SCAPER: variants seen among roughly 807,000 people sequenced by gnomAD.
SCAPER encodes S-phase cyclin A associated protein in the ER.
In SCAPER, 98 loss-of-function variants were observed where a neutral mutation model predicts 182.2. That is an observed-to-expected ratio of 0.54 (90% confidence interval 0.46 to 0.64). The LOEUF is 0.64. Ranked by LOEUF, SCAPER falls within the 30% of genes least tolerant of loss-of-function variation. SCAPER has a pLI of 0.00. For missense variants in SCAPER, 1,432 were observed against 1,690.0 expected (o/e 0.85, Z 2.68); for synonymous variants, 605 against 564.6 (o/e 1.07, Z -1.01).
chr15:76,823,713 A>C (rs2067757462), intron 5 of SCAPER, among the ~76,000 whole-genome samples: 1 of 152,056 alleles, frequency 6.6e-6, no homozygotes, highest in African/African-American at 2.4e-5. Flanking sequence ...GTGCCAAAAA[A>C]CTGTTAATAA....
chr15:76,748,457 TTTC>T (rs2061923745), intron 15 of SCAPER, among the ~76,000 whole-genome samples: 1 of 151,990 alleles, frequency 6.6e-6, no homozygotes, highest in Non-Finnish European at 1.5e-5. Context: ...TTGATAATTA[TTTC>T]TTAGCACCAA....
chr15:76,773,983 A>C (rs923235607), intron 9 of SCAPER, among the ~76,000 whole-genome samples: 18 of 151,944 alleles, frequency 1.2e-4, no homozygotes, highest in Admixed American at 1.2e-3. Flanking sequence ...AAGTAAAATA[A>C]ACATCAACTC....
intron 27 of SCAPER, among the ~76,000 whole-genome samples, chr15:76,397,474 CTTT>C (rs71143321): frequency 3.1e-4 from 22 of 71,538 alleles, no homozygotes; most frequent in African/African-American, 1.1e-3. Context: ...TATTGGCAGA[CTTT>C]TTTTTTTTTT....
At chr15:76,711,812 A>G (rs2059592121) in intron 17 of SCAPER, among the ~76,000 whole-genome samples, 1 of 151,926 alleles carries the variant, frequency 6.6e-6, no homozygotes, top group Admixed American at 6.6e-5. Context: ...AATTTGTTTG[A>G]GTTCATTGTA....
At chr15:76,476,487 G>T (rs1391301210) in intron 24 of SCAPER, among the ~76,000 whole-genome samples, 3 of 151,576 alleles carry the variant, frequency 2.0e-5, no homozygotes, top group African/African-American at 7.3e-5. Flanking sequence ...GGAGTGCAGT[G>T]GCATGATCAT....
At chr15:76,892,491 C>G (rs1417784066) in intron 1 of SCAPER, among the ~76,000 whole-genome samples, 1 of 152,044 alleles carries the variant, frequency 6.6e-6, no homozygotes, top group East Asian at 1.9e-4. Context: ...AAAAACAACC[C>G]CAGCAAAAAG....
chr15:76,867,387 C>G (rs891372845), intron 2 of SCAPER, among the ~76,000 whole-genome samples: 46 of 152,166 alleles, frequency 3.0e-4, no homozygotes, highest in African/African-American at 1.0e-3. Context: ...GACAAGATTA[C>G]TAGTCATGCA....
intron 15 of SCAPER, among the ~76,000 whole-genome samples, chr15:76,741,909 T>A (rs1363009911): frequency 6.6e-6 from 1 of 152,004 alleles, no homozygotes; most frequent in Non-Finnish European, 1.5e-5. Flanking sequence ...GGGCTAAAGA[T>A]TCAGATTTAG....
rs374970992 is a variant in SCAPER at position 76,800,277 on chromosome 15, T to C, written c.582A>G (p.Thr194=). 1.9e-6 allele frequency: 3 copies of C among 1,612,840 alleles called. No homozygotes were observed. Among genetic ancestry groups the C allele is most frequent in the South Asian group, 1.1e-5 (1 of 90,944 alleles). ...PSPSTDRINV[T]SNARRSLNFG... is the part of the protein sequence containing the mutation. The stretch of plus-strand genomic sequence containing the variant: ...AATTTAAGCTTCGTCGAGCATTTGA[T>C]GTTACATTTATTCTATCTGTTGATG... Residue 194 remains threonine (T), a synonymous_variant, in exon 7 of 32, where the codon ACA becomes ACG. Transcript: ENST00000563290.
At chr15:76,545,310 A>G (rs2045171458) in intron 23 of SCAPER, among the ~76,000 whole-genome samples, 1 of 152,138 alleles carries the variant, frequency 6.6e-6, no homozygotes, top group South Asian at 2.1e-4. Context: ...GCACAAGAAA[A>G]TATCTCTGGC....
At chr15:76,363,901 T>G (rs1382227302) in intron 29 of SCAPER, among the ~76,000 whole-genome samples, 12 of 152,172 alleles carry the variant, frequency 7.9e-5, no homozygotes, top group African/African-American at 2.7e-4. Flanking sequence ...CTGTCCACAT[T>G]GCTCTTACCA....
chr15:76,740,649 C>T (rs1011042514), intron 15 of SCAPER, among the ~76,000 whole-genome samples: 1 of 151,920 alleles, frequency 6.6e-6, no homozygotes, highest in Non-Finnish European at 1.5e-5. Context: ...ATGCCACAGG[C>T]CTAAAATATG....
intron 14 of SCAPER, among the ~76,000 whole-genome samples, chr15:76,755,152 A>G (rs1407555505): frequency 6.6e-6 from 1 of 152,214 alleles, no homozygotes; most frequent in Admixed American, 6.5e-5. Context: ...CTGGCATTAA[A>G]AAACACAGTA....
At chr15:76,403,872 T>C (rs1296771052) in intron 27 of SCAPER, among the ~76,000 whole-genome samples, 2 of 152,118 alleles carry the variant, frequency 1.3e-5, no homozygotes, top group Non-Finnish European at 2.9e-5. Context: ...CTTGTGTCCT[T>C]CCTAGAGAAT....
chr15:76,818,609 G>A (rs1169947747), intron 5 of SCAPER, among the ~76,000 whole-genome samples: 1 of 152,204 alleles, frequency 6.6e-6, no homozygotes, highest in Admixed American at 6.5e-5. Context: ...AAGGGGGGTG[G>A]AGCCAAGATG....
chr15:76,359,168 G>A (rs1171950569), intron 29 of SCAPER, among the ~76,000 whole-genome samples: 1 of 152,182 alleles, frequency 6.6e-6, no homozygotes, highest in Non-Finnish European at 1.5e-5. Context: ...CCCTCCCAGT[G>A]TGAGGCTTCC....
intron 23 of SCAPER, among the ~76,000 whole-genome samples, chr15:76,525,694 CT>C (rs1567350814): frequency 6.6e-6 from 1 of 152,120 alleles, no homozygotes; most frequent in Non-Finnish European, 1.5e-5. Context: ...TGATTTCATT[CT>C]TTTTTATGGC....
At chr15:76,449,228 T>C (rs284907) in intron 25 of SCAPER, among the ~76,000 whole-genome samples, 18,405 of 152,258 alleles carry the variant, frequency 0.12, 1,532 homozygotes, top group African/African-American at 0.24. Context: ...AAAGTTTTGG[T>C]CTTACTCTTC....
chr15:76,705,404 G>C lies in SCAPER; in HGVS notation c.2247+499C>G, dbSNP rs76103993. On this transcript the variant is annotated intron_variant, in intron 18 of 31. Coordinates refer to ENST00000563290, the MANE Select transcript of SCAPER (RefSeq NM_020843.4). ...CACACTCTGGGGACTGTTTTGGGGT[G>C]GGGGGAGGGGAGAGGGATATCATTA... 2.0e-3 allele frequency among the ~76,000 whole-genome samples: 240 copies of C among 118,168 alleles called. 2 individuals carry two copies. Among genetic ancestry groups the C allele is most frequent in the African/African-American group, 6.9e-3 (220 of 31,792 alleles). 77.5% of individuals were successfully genotyped at this position (118,168 alleles called of 152,430 possible).
Sources: gnomAD v4.1 joint callset for allele counts (sites outside exome capture counted in the v4.1 genomes callset) on GRCh38, gnomAD v4.1.1 for gene constraint, MANE v1.5 for transcripts, NCBI Gene and HGNC (gene_info 2026-07-23, HGNC 2026-07-21) for gene names.